The following LAMB1 variants were observed in gnomAD, a reference collection of about 807,000 sequenced individuals.
LAMB1 encodes the protein laminin subunit beta-1.
Under a neutral mutation model 222.3 loss-of-function variants are expected in LAMB1, and 121 were observed. The ratio of observed to expected loss-of-function variants is 0.54; its 90% CI spans 0.47 to 0.63. The LOEUF (loss-of-function observed/expected upper bound fraction) is 0.63, where lower values mean the gene tolerates loss of function less well. Ranked by LOEUF, LAMB1 falls within the 30% of genes least tolerant of loss-of-function variation. The probability of loss-of-function intolerance (pLI) is 0.00; values close to 1 mark genes in which losing one functional copy is unlikely to be tolerated. For synonymous variants in LAMB1, 794 were observed against 807.2 expected (o/e 0.98, Z 0.28); for missense variants, 2,172 against 2,240.8 (o/e 0.97, Z 0.62).
chr7:107,970,151 A>G (rs1213712640), intron 13 of LAMB1, among the ~76,000 whole-genome samples: 1 of 152,182 alleles, frequency 6.6e-6, no homozygotes, highest in African/African-American at 2.4e-5. Flanking sequence ...TGCAGAAGCA[A>G]TGCATCAAGG....
intron 27 of LAMB1, among the ~76,000 whole-genome samples, chr7:107,933,674 A>C (rs962577216): frequency 2.0e-5 from 3 of 152,174 alleles, no homozygotes; most frequent in African/African-American, 7.2e-5. Context: ...CCTGAAAAAC[A>C]AAAGGACAAA....
Position 107,932,184 on chromosome 7 carries a change from A to C in LAMB1, c.4382T>G (p.Leu1461Arg). The C allele has an allele frequency of 1.2e-6, 2 of 1,614,190 alleles. No individual in the cohort carries two copies. The highest frequency in any genetic ancestry group is 1.7e-6 in the Non-Finnish European group (2 of 1,180,016). ...VLSALAEVEQ[L>R]SKMVSEAKLR... ...CATCCACTGAGTTACCATCTTGGAGAGCTGTTCCACTTCAGCCAGGGCACT... is the reference window on the plus strand; with the variant it reads ...CATCCACTGAGTTACCATCTTGGAGCGCTGTTCCACTTCAGCCAGGGCACT... Residue 1461 changes from leucine (L) to arginine (R), a missense_variant, in exon 28 of 34, where the codon CTC (leucine) becomes CGC (arginine). By Grantham distance (102) the Leu-to-Arg change is moderately radical. Transcript: ENST00000222399.
In LAMB1 at chr7:107,952,235, C is replaced by T; in HGVS notation, c.3080-12G>A. 2 of 1,580,606 alleles carry T rather than the reference C, an allele frequency of 1.3e-6. No homozygotes were observed. Among genetic ancestry groups the T allele is most frequent in the Non-Finnish European group, 1.7e-6 (2 of 1,154,440 alleles). On this transcript the variant is annotated splice_polypyrimidine_tract_variant and intron_variant, in intron 22 of 33. Transcript: ENST00000222399. ...ATTACAGACACACTCTGCAAAAGAA[C>T]ATCACATTTACTTATTGTCACACTC...
intron 4 of LAMB1, among the ~76,000 whole-genome samples, chr7:107,995,772 C>T (rs2034270363): frequency 6.6e-6 from 1 of 152,176 alleles, no homozygotes; most frequent in African/African-American, 2.4e-5. Flanking sequence ...AGGCTTGCCA[C>T]GCTTCTTGTG....
intron 27 of LAMB1, among the ~76,000 whole-genome samples, chr7:107,934,830 G>A (rs1049875597): frequency 6.6e-6 from 1 of 151,018 alleles, no homozygotes; most frequent in African/African-American, 2.4e-5. Flanking sequence ...ACTCAGGAGG[G>A]TGAGGTGGGA....
chr7:107,935,993 C>T (rs2032838443), intron 26 of LAMB1, among the ~76,000 whole-genome samples: 1 of 152,142 alleles, frequency 6.6e-6, no homozygotes, highest in African/African-American at 2.4e-5. Flanking sequence ...TTTCTCAATC[C>T]TTTATTCGGA....
Position 107,975,275 on chromosome 7 carries a change from C to T in LAMB1, c.1328G>A (p.Gly443Asp), listed in dbSNP as rs760178070. The T allele has an allele frequency of 2.5e-6, 4 of 1,613,894 alleles. No individual in the cohort carries two copies. Among genetic ancestry groups the T allele is most frequent in the Middle Eastern group, 1.6e-4 (1 of 6,084 alleles). ...ATCTTCACTGCTTAAATCATAGAAG[C>T]CTTCTTTGCAAACATCACAATGTTC... The part of the protein sequence containing the change: ...EGEHCDVCKE[G>D]FYDLSSEDPF... The change falls in exon 11 of 34, where the codon GGC becomes GAC. Residue 443 changes from glycine to aspartate, a missense_variant. Gly to Asp is a moderately conservative substitution (Grantham distance 94). Transcript: ENST00000222399.
intron 4 of LAMB1, 78 bp from the exon 5 acceptor site, chr7:107,995,038 T>TTGTGTTCCCCA: frequency 1.3e-6 from 1 of 747,674 alleles, no homozygotes; most frequent in Non-Finnish European, 2.2e-6. Context: ...AGACTATTTT[T>TTGTGTTCCCCA]TAAATTACTT....
chr7:107,997,336 T>A (rs1370887734), intron 4 of LAMB1, among the ~76,000 whole-genome samples: 1 of 152,144 alleles, frequency 6.6e-6, no homozygotes, highest in Non-Finnish European at 1.5e-5. Context: ...GGCAGGAGAA[T>A]CACTTGAACC....
rs376306795 is a variant in LAMB1, at chr7:108,002,898, C to A, written c.-13G>T. Reference sequence around the variant, plus strand: ...GGAGAAGCCCCATGCCGGCTCCCTGCAGCCACGGGGACGCGGCAGAGGAGT... The same window carrying A: ...GGAGAAGCCCCATGCCGGCTCCCTGAAGCCACGGGGACGCGGCAGAGGAGT... On this transcript the variant is annotated 5_prime_UTR_variant, in exon 2 of 34. Transcript: ENST00000222399. 12 of 1,613,728 alleles carry A rather than the reference C, an allele frequency of 7.4e-6. No homozygotes were observed. The highest frequency in any genetic ancestry group is 8.5e-6 in the Non-Finnish European group (10 of 1,179,978).
In LAMB1 at chr7:107,964,701, G is replaced by A. The variant is rs1454831746; in HGVS notation, c.1563-14C>T. On this transcript the variant is annotated splice_polypyrimidine_tract_variant and intron_variant, in intron 13 of 33. Coordinates refer to ENST00000222399, the MANE Select transcript of LAMB1 (RefSeq NM_002291.3). ...TCCGCAAAGCAACTGGAAGGGAGGA[G>A]GAGCCACATCAGCTGAGTTCATGGT... 2 of 1,613,796 alleles carry A rather than the reference G, an allele frequency of 1.2e-6. No individual in the cohort carries two copies. The highest frequency in any genetic ancestry group is 2.2e-5 in the East Asian group (1 of 44,886).
intron 27 of LAMB1, among the ~76,000 whole-genome samples, chr7:107,933,685 ACT>A (rs1219236833): frequency 1.3e-5 from 2 of 152,010 alleles, no homozygotes; most frequent in Non-Finnish European, 2.9e-5. Flanking sequence ...AAAGGACAAA[ACT>A]CTCTCTACAC....
At chr7:107,931,613 T>G in intron 28 of LAMB1, 113 bp from the exon 29 acceptor site, 5 of 1,017,986 alleles carry the variant, frequency 4.9e-6, no homozygotes, top group Non-Finnish European at 5.9e-6. Flanking sequence ...TGGAATCATA[T>G]GTCTGGGAAA....
intron 4 of LAMB1, among the ~76,000 whole-genome samples, 187 bp from the exon 5 acceptor site, chr7:107,995,147 T>C (rs1333809476): frequency 2.0e-5 from 3 of 152,304 alleles, no homozygotes; most frequent in East Asian, 1.9e-4. Flanking sequence ...AAGCACAAGT[T>C]GAATGATTCT....
In LAMB1 at chr7:107,975,686, T is replaced by C; in HGVS notation, c.1189+3A>G. On this transcript the variant is annotated splice_donor_region_variant and intron_variant, in intron 10 of 33. Transcript: ENST00000222399. ...ACACAGTGAGTGACATTTCTCAACA[T>C]ACGTTCACAGAAATTAGGATCTCGG... The C allele has an allele frequency of 1.2e-6, 2 of 1,609,118 alleles. No individual in the cohort carries two copies. Among genetic ancestry groups the C allele is most frequent in the Non-Finnish European group, 1.7e-6 (2 of 1,176,842 alleles).
At chr7:107,940,864 G>A (rs184854560) in intron 24 of LAMB1, among the ~76,000 whole-genome samples, 1 of 152,326 alleles carries the variant, frequency 6.6e-6, no homozygotes, top group East Asian at 1.9e-4. Flanking sequence ...CTGATAATGT[G>A]CCACCTGGCA....
chr7:107,928,968 G>C (rs1046141874), intron 31 of LAMB1, 96 bp downstream of exon 31: 13 of 1,175,136 alleles, frequency 1.1e-5, no homozygotes, highest in African/African-American at 6.2e-5. Context: ...TTAATGTTGA[G>C]TTGTAAGAAT....
intron 28 of LAMB1, 75 bp downstream of exon 28, chr7:107,932,099 C>A (rs2032724159): frequency 7.7e-7 from 1 of 1,301,316 alleles, no homozygotes; most frequent in Non-Finnish European, 1.1e-6. Flanking sequence ...GAATTGATTT[C>A]TCCCTTTCAG....
Position 107,962,891 on chromosome 7 carries a change from A to G in LAMB1, c.1857+14T>C. 1.2e-6 allele frequency: 2 copies of G among 1,608,020 alleles called. No individual in the cohort carries two copies. The highest frequency in any genetic ancestry group is 1.3e-5 in the African/African-American group (1 of 74,792). ...CCCTCCCTCCTCCACCAGTCCACTA[A>G]GTGGTTTCTTTACCTGTGGCTCGTA... On this transcript the variant is annotated intron_variant, in intron 15 of 33. Transcript: ENST00000222399.
Sources: gnomAD v4.1 joint callset for allele counts (sites outside exome capture counted in the v4.1 genomes callset) on GRCh38, gnomAD v4.1.1 for gene constraint, MANE v1.5 for transcripts, NCBI Gene and HGNC (gene_info 2026-07-23, HGNC 2026-07-21) for gene names.